The following PUDP variants were observed in gnomAD, a reference collection of about 807,000 sequenced individuals.
The protein encoded by PUDP is pseudouridine-5'-phosphatase.
In PUDP, 8 loss-of-function variants were observed where a neutral mutation model predicts 9.4. The observed-to-expected ratio is 0.85, with a 90% CI of 0.50 to 1.53. The LOEUF (loss-of-function observed/expected upper bound fraction) is 1.53. Ranked by LOEUF, PUDP falls within the 40% of genes most tolerant of loss-of-function variation. PUDP has a pLI of 0.00. For missense variants in PUDP, 188 were observed against 189.7 expected (o/e 0.99, Z 0.05); for synonymous variants, 99 against 80.7 (o/e 1.23, Z -1.22).
intron 3 of PUDP, among the ~76,000 whole-genome samples, chrX:6,873,990 G>A (rs1194696063): frequency 9.0e-6 from 1 of 111,027 alleles, no homozygotes; most frequent in African/African-American, 3.3e-5. Flanking sequence ...GCCAGGTATG[G>A]TGGTGCATGC....
chrX:6,892,622 C>G (rs968106690), intron 3 of PUDP, among the ~76,000 whole-genome samples: 1 of 111,498 alleles, frequency 9.0e-6, no homozygotes, highest in Non-Finnish European at 1.9e-5. Context: ...GGAGTTACAA[C>G]TCAAAATAAG....
At chrX:6,933,547 C>T (rs150179596) in intron 3 of PUDP, among the ~76,000 whole-genome samples, 3 of 109,302 alleles carry the variant, frequency 2.7e-5, no homozygotes, top group Non-Finnish European at 3.8e-5. Context: ...AAACAGAACA[C>T]AAAAACTGGA....
chrX:6,813,066 C>T (rs1211978236), intron 3 of PUDP, among the ~76,000 whole-genome samples: 1 of 108,608 alleles, frequency 9.2e-6, no homozygotes, highest in Admixed American at 1.0e-4. Flanking sequence ...CATACTCCAG[C>T]CTGGGAAACA....
chrX:6,945,368 A>G (rs1320149360), intron 3 of PUDP, among the ~76,000 whole-genome samples: 3 of 111,769 alleles, frequency 2.7e-5, no homozygotes, highest in African/African-American at 9.7e-5. Context: ...GTGCACAAAC[A>G]TACCTGTGTT....
At chrX:7,072,494 G>A (rs1930765592) in intron 3 of PUDP, among the ~76,000 whole-genome samples, 1 of 111,416 alleles carries the variant, frequency 9.0e-6, no homozygotes, top group African/African-American at 3.3e-5. Context: ...ACTAAAACAC[G>A]CAAAGTAGTG....
chrX:7,112,840 T>A (rs111609857), intron 1 of PUDP, among the ~76,000 whole-genome samples: 36,368 of 109,815 alleles, frequency 0.33, 4,646 homozygotes, highest in Middle Eastern at 0.47. Context: ...TTTTAATTTT[T>A]TTTGTAGAGA....
chrX:6,994,504 T>C (rs1247870368), intron 1 of PUDP, among the ~76,000 whole-genome samples: 1 of 112,063 alleles, frequency 8.9e-6, no homozygotes, highest in Non-Finnish European at 1.9e-5. Flanking sequence ...AAATAAAAGT[T>C]GAACAGTGTG....
At chrX:6,870,195 C>G (rs1367032364) in intron 3 of PUDP, among the ~76,000 whole-genome samples, 1 of 111,718 alleles carries the variant, frequency 9.0e-6, no homozygotes, top group Non-Finnish European at 1.9e-5. Context: ...GATACAGAGT[C>G]TTAGTTTTAC....
intron 3 of PUDP, among the ~76,000 whole-genome samples, chrX:6,885,356 T>C (rs1269538128): frequency 8.9e-6 from 1 of 111,988 alleles, no homozygotes; most frequent in African/African-American, 3.2e-5. Flanking sequence ...ATTAAAACTT[T>C]CGCCTCTGGT....
intron 3 of PUDP, among the ~76,000 whole-genome samples, chrX:6,968,192 A>T (rs1569132637): frequency 8.9e-6 from 1 of 112,176 alleles, no homozygotes. Context: ...GTGAAACTTC[A>T]GGGGACCCCT....
chrX:6,967,664 T>G lies in PUDP; in HGVS notation c.*247+9469A>C, dbSNP rs1260012644. Among the ~76,000 whole-genome samples, 3 of 111,667 alleles carry G rather than the reference T, an allele frequency of 2.7e-5. No individual in the cohort carries two copies. The East Asian group carries it at 8.5e-4, about 32-fold the overall frequency. ...TGGAAGCGAACTTCTCTCTGTGACC[T>G]TCTCCTGCCCTCCTGTCTCTCAGTC... On this transcript the variant is annotated intron_variant and NMD_transcript_variant, in intron 3 of 3. Coordinates refer to the PUDP transcript ENST00000655425.
intron 3 of PUDP, among the ~76,000 whole-genome samples, chrX:6,778,259 G>T (rs1925499676): frequency 8.9e-6 from 1 of 112,066 alleles, no homozygotes; most frequent in Non-Finnish European, 1.9e-5. Flanking sequence ...TAAGCGGGCA[G>T]TCCCGAAAGG....
chrX:6,811,417 C>T (rs946022209), intron 3 of PUDP, among the ~76,000 whole-genome samples: 38 of 110,672 alleles, frequency 3.4e-4, no homozygotes, highest in African/African-American at 9.9e-4. Flanking sequence ...CAGGTTCAAG[C>T]GATTCTCATG....
intron 1 of PUDP, among the ~76,000 whole-genome samples, chrX:6,718,771 T>C (rs933117879): frequency 4.5e-5 from 5 of 111,839 alleles, no homozygotes; most frequent in Non-Finnish European, 7.5e-5. Flanking sequence ...AAAAAATGCC[T>C]TAAAAAACAA....
At chrX:6,741,547 T>G (rs915876533) in intron 3 of PUDP, among the ~76,000 whole-genome samples, 3 of 110,698 alleles carry the variant, frequency 2.7e-5, no homozygotes, top group African/African-American at 9.9e-5. Context: ...TATATAGAGA[T>G]AGATGGTGGA....
At chrX:7,085,712 A>C (rs745530436) in intron 2 of PUDP, among the ~76,000 whole-genome samples, 2 of 112,109 alleles carry the variant, frequency 1.8e-5, no homozygotes, top group African/African-American at 6.5e-5. Flanking sequence ...AGGAAACATA[A>C]TTCCATGAGG....
chrX:7,064,069 TAC>T (rs1930479844), intron 3 of PUDP, among the ~76,000 whole-genome samples: 1 of 112,249 alleles, frequency 8.9e-6, no homozygotes, highest in African/African-American at 3.2e-5. Context: ...GACTGTTTAC[TAC>T]AGTCGTTATT....
At chrX:7,048,018 A>T (rs1474468), downstream of PUDP, among the ~76,000 whole-genome samples, 10 of 110,788 alleles carry the variant, frequency 9.0e-5, no homozygotes, top group East Asian at 1.1e-3. Context: ...TCTTTCAAGT[A>T]TAAGACAGGT....
At chrX:6,944,212 T>C (rs1452420580) in intron 3 of PUDP, among the ~76,000 whole-genome samples, 1 of 110,719 alleles carries the variant, frequency 9.0e-6, no homozygotes, top group Admixed American at 9.6e-5. Flanking sequence ...AATGGCACTT[T>C]CCCCTGGGGT....
Sources: gnomAD v4.1 joint callset for allele counts (sites outside exome capture counted in the v4.1 genomes callset) on GRCh38, gnomAD v4.1.1 for gene constraint, MANE v1.5 for transcripts, NCBI Gene and HGNC (gene_info 2026-07-23, HGNC 2026-07-21) for gene names.